CCDC73: variants seen among roughly 807,000 people sequenced by gnomAD.
The protein encoded by CCDC73 is coiled-coil domain containing 73, also known as coiled-coil domain-containing protein 73.
In CCDC73, 95 loss-of-function variants were observed where a neutral mutation model predicts 116.5. The ratio of observed to expected loss-of-function variants is 0.82; its 90% confidence interval spans 0.69 to 0.97. The LOEUF is 0.97. CCDC73 is among the 50% of genes least tolerant of loss of function. The pLI is 0.00. For missense variants in CCDC73, 1,066 were observed against 1,206.8 expected (o/e 0.88, Z 1.73); for synonymous variants, 398 against 401.3 (o/e 0.99, Z 0.10).
chr11:32,830,309 C>CA, the CCDC73 span: 1 of 842,830 alleles, frequency 1.2e-6, no homozygotes, highest in African/African-American at 1.8e-5. Flanking sequence ...TCGGCAGGGT[C>CA]ACTGGGCACG....
In CCDC73 at chr11:32,616,164, T is replaced by C. The variant is rs370513186; in HGVS notation, c.1186-35A>G. ...AATGGAAGAGATTCTTTTAAAAACA[T>C]TGCCTACAAGTATAAAACATTTGAG... is the stretch of plus-strand genomic sequence containing the variant. On this transcript the variant is annotated intron_variant, in intron 14 of 17. Transcript: ENST00000335185. The C allele has an allele frequency of 5.2e-6, 8 of 1,531,170 alleles. No individual in the cohort carries two copies. The African/African-American group carries it at 9.9e-5, about 19-fold the overall frequency. 94.8% of individuals were successfully genotyped at this position (1,531,170 alleles called of 1,614,324 possible). A position where few individuals can be genotyped will look rare whatever the true frequency, so the allele number is the denominator to read the frequency against.
At position 32,718,162 on chromosome 11, in the gene CCDC73, A is replaced by G; in HGVS notation, c.136-15T>C. ...ATTTCTGCTTCCTAAGTCAAAAAGAAAAAGAAAAGTGCTATAAAAATAAAG... is the reference window on the plus strand; with the variant it reads ...ATTTCTGCTTCCTAAGTCAAAAAGAGAAAGAAAAGTGCTATAAAAATAAAG... On this transcript the variant is annotated splice_polypyrimidine_tract_variant and intron_variant, in intron 2 of 17. Transcript: ENST00000335185. 2 of 1,546,734 alleles carry G rather than the reference A, an allele frequency of 1.3e-6. No homozygotes were observed. Among genetic ancestry groups the G allele is most frequent in the Non-Finnish European group, 1.8e-6 (2 of 1,132,884 alleles).
intron 2 of CCDC73, among the ~76,000 whole-genome samples, chr11:32,739,727 A>C (rs540310595): frequency 1.7e-3 from 259 of 152,252 alleles, no homozygotes; most frequent in African/African-American, 5.9e-3. Context: ...TTCCAGTATT[A>C]TGTTGAATAA....
At chr11:32,818,041 T>C in the CCDC73 span, among the ~76,000 whole-genome samples, 1 of 152,236 alleles carries the variant, frequency 6.6e-6, no homozygotes, top group Non-Finnish European at 1.5e-5. Context: ...AATCCTGTAA[T>C]AGTCCTTTCA....
At chr11:32,766,438 G>A (rs948384773) in intron 1 of CCDC73, among the ~76,000 whole-genome samples, 1 of 152,160 alleles carries the variant, frequency 6.6e-6, no homozygotes, top group African/African-American at 2.4e-5. Context: ...ATTCAACATA[G>A]TGTTGGAAGT....
intron 1 of CCDC73, among the ~76,000 whole-genome samples, chr11:32,776,790 A>C (rs1031876752): frequency 4.0e-5 from 6 of 151,150 alleles, no homozygotes; most frequent in Non-Finnish European, 5.9e-5. Context: ...CACTCCCCCA[A>C]CTCCACAGCA....
the CCDC73 span, among the ~76,000 whole-genome samples, chr11:32,806,662 C>T: frequency 8.0e-5 from 12 of 149,190 alleles, no homozygotes; most frequent in East Asian, 9.8e-4. Flanking sequence ...AAGAAAGAAA[C>T]GAGAGAAAAG....
the CCDC73 span, among the ~76,000 whole-genome samples, chr11:32,810,702 A>G: frequency 6.6e-6 from 1 of 152,176 alleles, no homozygotes; most frequent in Non-Finnish European, 1.5e-5. Context: ...TAGAGCCACT[A>G]TCTTAGCAAT....
At chr11:32,768,325 G>A (rs947576139) in intron 1 of CCDC73, among the ~76,000 whole-genome samples, 18 of 152,188 alleles carry the variant, frequency 1.2e-4, no homozygotes, top group African/African-American at 3.4e-4. Flanking sequence ...CCTGTCATGG[G>A]GTTGGGGGAG....
At chr11:32,607,080 ATTTTTTTTTTTTTTTTTTT>A (rs759164050) in intron 17 of CCDC73, among the ~76,000 whole-genome samples, 1 of 74,164 alleles carries the variant, frequency 1.3e-5, no homozygotes, top group Non-Finnish European at 2.4e-5. Context: ...CCAAAAATAA[ATTTTTTTTTTTTTTTTTTT>A]TTTTTTTTTT....
intron 1 of CCDC73, among the ~76,000 whole-genome samples, chr11:32,774,376 ATT>A (rs1386874309): frequency 6.6e-6 from 1 of 152,130 alleles, no homozygotes; most frequent in Non-Finnish European, 1.5e-5. Context: ...ATCATTGTCT[ATT>A]CTCTCTTGTC....
intron 2 of CCDC73, among the ~76,000 whole-genome samples, chr11:32,751,225 C>T (rs900921907): frequency 6.6e-6 from 1 of 152,156 alleles, no homozygotes; most frequent in African/African-American, 2.4e-5. Flanking sequence ...CCTCTCCTCT[C>T]TTCAAGCAGG....
chr11:32,785,517 T>G (rs1389949378), intron 1 of CCDC73, among the ~76,000 whole-genome samples: 1 of 152,112 alleles, frequency 6.6e-6, no homozygotes, highest in Non-Finnish European at 1.5e-5. Context: ...CCCTGCCACC[T>G]CAGCCTCCCA....
At chr11:32,754,134 A>G (rs1850311842) in intron 2 of CCDC73, among the ~76,000 whole-genome samples, 1 of 152,170 alleles carries the variant, frequency 6.6e-6, no homozygotes, top group African/African-American at 2.4e-5. Context: ...GGCTATTCTC[A>G]TGCATTTTTC....
the CCDC73 span, among the ~76,000 whole-genome samples, chr11:32,821,558 GA>G: frequency 6.6e-5 from 10 of 152,174 alleles, no homozygotes; most frequent in Non-Finnish European, 7.4e-5. Context: ...AAAAAAGAAA[GA>G]AAAAAGTATA....
chr11:32,745,973 G>T (rs1264877367), intron 2 of CCDC73, among the ~76,000 whole-genome samples: 1 of 152,212 alleles, frequency 6.6e-6, no homozygotes, highest in African/African-American at 2.4e-5. Context: ...TCATTATAAT[G>T]CTAGCTGGTT....
intron 2 of CCDC73, among the ~76,000 whole-genome samples, chr11:32,741,655 T>C (rs554125467): frequency 6.6e-6 from 1 of 151,872 alleles, no homozygotes; most frequent in Non-Finnish European, 1.5e-5. Flanking sequence ...ATGTTCTTTA[T>C]GTATTTATAT....
Position 32,653,135 on chromosome 11 carries a change from T to G in CCDC73, c.927A>C (p.Lys309Asn). 6.2e-7 allele frequency: 1 copy of G among 1,606,418 alleles called. No homozygotes were observed. The highest frequency in any genetic ancestry group is 1.7e-4 in the Middle Eastern group (1 of 6,044). ...AGATAGAACGAACCTGATTATTTTC[T>G]TTTAGCACCTTCAATTCTGCCTCCA... is the stretch of plus-strand genomic sequence containing the variant. ...TEMEAELKVL[K>N]ENNQTLERDN... is the part of the protein sequence containing the mutation. The change falls in exon 12 of 18, where the codon AAA becomes AAC. Residue 309 changes from lysine to asparagine, a missense_variant. By Grantham distance (94) the Lys-to-Asn change is moderately conservative. Transcript: ENST00000335185.
At position 32,616,063 on chromosome 11, in the gene CCDC73, G is replaced by A. The variant is rs199824803; in HGVS notation, c.1252C>T (p.Gln418Ter). Residue 418 changes from glutamine (Q) to a stop codon, truncating the protein, a stop_gained, in exon 15 of 18, where the codon CAG becomes TAG. Coordinates refer to ENST00000335185, the MANE Select transcript of CCDC73 (RefSeq NM_001008391.4). LOFTEE classifies it high-confidence loss of function. ...STEKSENTII[Q>*]KYNTEQEIRE... is the part of the protein sequence containing the mutation. ...ATTTCTTGCTCAGTATTATATTTCT[G>A]TATAATGGTGTTTTCTGATTTTTCA... 7.0e-5 allele frequency: 112 copies of A among 1,590,434 alleles called. No individual in the cohort carries two copies. The Admixed American group carries it at 1.6e-3, about 22-fold the overall frequency.
Sources: allele counts gnomAD v4.1 joint callset (sites outside exome capture counted in the v4.1 genomes callset), GRCh38; gene constraint gnomAD v4.1.1; transcripts MANE v1.5; gene names NCBI Gene and HGNC (gene_info 2026-07-23, HGNC 2026-07-21).